Variants in ELMO1 observed in about 807,000 individuals in gnomAD.
The protein encoded by ELMO1 is engulfment and cell motility protein 1.
A neutral mutation model predicts 98.9 loss-of-function variants in ELMO1; 26 were observed. The observed-to-expected ratio is 0.26, with a 90% CI of 0.19 to 0.36. The LOEUF (loss-of-function observed/expected upper bound fraction) is 0.36. Among genes scored for constraint, ELMO1 ranks in the 10% least tolerant of loss-of-function variants. ELMO1 has a pLI of 1.00. For missense variants in ELMO1, 627 were observed against 935.2 expected (o/e 0.67, Z 4.30); for synonymous variants, 346 against 346.0 (o/e 1.00, Z 0.00).
chr7:36,922,214 AT>A (rs1317766152), intron 16 of ELMO1, among the ~76,000 whole-genome samples: 1 of 152,164 alleles, frequency 6.6e-6, no homozygotes, highest in Non-Finnish European at 1.5e-5. Context: ...CCACAGATTC[AT>A]TAGCTCTTTT....
intron 16 of ELMO1, among the ~76,000 whole-genome samples, chr7:36,969,421 G>A (rs1789724358): frequency 6.6e-6 from 1 of 152,100 alleles, no homozygotes; most frequent in South Asian, 2.1e-4. Context: ...ATGATATGTG[G>A]TGAATTCAAT....
intron 16 of ELMO1, among the ~76,000 whole-genome samples, chr7:36,956,668 G>C (rs1330031990): frequency 6.6e-6 from 1 of 152,180 alleles, no homozygotes; most frequent in East Asian, 1.9e-4. Flanking sequence ...AGCTTATAGT[G>C]ACAAAGCTTC....
chr7:37,244,263 C>A, intron 7 of ELMO1, 93 bp downstream of exon 7: 1 of 1,239,778 alleles, frequency 8.1e-7, no homozygotes, highest in Non-Finnish European at 1.1e-6. Flanking sequence ...ATACTAGATG[C>A]ATAGTTATAC....
intron 1 of ELMO1, among the ~76,000 whole-genome samples, chr7:37,422,905 G>A (rs76085041): frequency 0.087 from 13,310 of 152,236 alleles, 666 homozygotes; most frequent in Admixed American, 0.098. Flanking sequence ...TTTATTGGCC[G>A]CAGCCCATGA....
At chr7:37,291,705 A>C in intron 4 of ELMO1, among the ~76,000 whole-genome samples, 1 of 152,186 alleles carries the variant, frequency 6.6e-6, no homozygotes, top group East Asian at 1.9e-4. Context: ...ACCTGAGGTC[A>C]GGAGTTTGAG....
chr7:37,094,941 T>C (rs1189376382), intron 15 of ELMO1, among the ~76,000 whole-genome samples: 6 of 152,308 alleles, frequency 3.9e-5, no homozygotes, highest in South Asian at 2.1e-4. Flanking sequence ...ATCACTCTTA[T>C]GTGTTTACTT....
rs190626347 is a variant in ELMO1, at chr7:37,018,205, C to A, written c.1301-4770G>T. On this transcript the variant is annotated intron_variant, in intron 15 of 21. Coordinates refer to ENST00000310758, the MANE Select transcript of ELMO1 (RefSeq NM_014800.11). ...GCAATGGCGTGATCTCAGCTCACCA[C>A]AACCTCCGCCTCCTGGGTTCAAGAG... is the stretch of plus-strand genomic sequence containing the variant. Among the ~76,000 whole-genome samples, 8 of 151,916 alleles carry A rather than the reference C, an allele frequency of 5.3e-5. No homozygotes were observed. The East Asian group carries it at 1.6e-3, about 29-fold the overall frequency.
intron 13 of ELMO1, among the ~76,000 whole-genome samples, chr7:37,146,244 C>T (rs945585117): frequency 6.6e-6 from 1 of 152,206 alleles, no homozygotes; most frequent in African/African-American, 2.4e-5. Flanking sequence ...CCCCAGGTTG[C>T]TGGGCCCCAC....
intron 19 of ELMO1, among the ~76,000 whole-genome samples, chr7:36,875,101 G>A (rs1418831246): frequency 1.3e-5 from 2 of 152,198 alleles, no homozygotes; most frequent in East Asian, 3.9e-4. Context: ...CAATGACACT[G>A]AACATTAATT....
At chr7:37,392,532 C>T (rs936593187) in intron 1 of ELMO1, among the ~76,000 whole-genome samples, 11 of 152,176 alleles carry the variant, frequency 7.2e-5, no homozygotes, top group Non-Finnish European at 1.3e-4. Flanking sequence ...AGCAAATTGG[C>T]GCTGCTAGGC....
At chr7:37,167,724 G>A (rs1220145446) in intron 13 of ELMO1, among the ~76,000 whole-genome samples, 1 of 152,112 alleles carries the variant, frequency 6.6e-6, no homozygotes, top group East Asian at 1.9e-4. Flanking sequence ...AGTCTGATGG[G>A]CTTCCCTTTG....
chr7:36,994,292 C>T (rs1463013845), intron 16 of ELMO1, among the ~76,000 whole-genome samples: 2 of 152,174 alleles, frequency 1.3e-5, no homozygotes, highest in East Asian at 1.9e-4. Context: ...TAAAGTTCTT[C>T]CTCTATGTAA....
chr7:37,036,548 ATT>A (rs1189206904), intron 15 of ELMO1, among the ~76,000 whole-genome samples: 1 of 151,972 alleles, frequency 6.6e-6, no homozygotes, highest in Non-Finnish European at 1.5e-5. Flanking sequence ...AATTTTTAAA[ATT>A]TTTTATTTTG....
chr7:37,423,105 T>C, intron 1 of ELMO1, among the ~76,000 whole-genome samples: 1 of 152,248 alleles, frequency 6.6e-6, no homozygotes, highest in East Asian at 1.9e-4. Context: ...GAGGCACCAG[T>C]GTCTTCTGTG....
chr7:36,969,270 T>C (rs987892372), intron 16 of ELMO1, among the ~76,000 whole-genome samples: 2 of 152,114 alleles, frequency 1.3e-5, no homozygotes, highest in African/African-American at 4.8e-5. Context: ...TACCTATTAG[T>C]TGACACATTA....
chr7:37,141,431 G>A (rs958987400), intron 13 of ELMO1, among the ~76,000 whole-genome samples: 5 of 152,242 alleles, frequency 3.3e-5, no homozygotes, highest in African/African-American at 1.2e-4. Flanking sequence ...CTGCTCGGGT[G>A]ACAGGTGCAC....
At chr7:37,269,919 C>T (rs572645282) in intron 5 of ELMO1, 6 of 152,162 alleles carry the variant, frequency 3.9e-5, no homozygotes, top group South Asian at 2.1e-4. Context: ...TCTAAGCCTT[C>T]TCTCAAGGAG....
intron 16 of ELMO1, among the ~76,000 whole-genome samples, chr7:36,972,769 A>T (rs1790084459): frequency 6.6e-6 from 1 of 152,162 alleles, no homozygotes; most frequent in Non-Finnish European, 1.5e-5. Flanking sequence ...TATCTATATA[A>T]CTATATCTAT....
At position 37,271,996 on chromosome 7, in the gene ELMO1, A is replaced by G. The variant is rs572844031; in HGVS notation, c.193-114T>C. Reference sequence around the variant, plus strand: ...CAGGCATTCAGTTTATTCTCACTTGAATAATTTTTAATTATTTCTATAAAG... The same window carrying G: ...CAGGCATTCAGTTTATTCTCACTTGGATAATTTTTAATTATTTCTATAAAG... On this transcript the variant is annotated intron_variant, in intron 4 of 21. Transcript: ENST00000310758. The G allele has an allele frequency of 6.1e-6, 5 of 819,910 alleles. No individual in the cohort carries two copies. The East Asian group carries it at 1.3e-4, about 22-fold the overall frequency. 50.8% of individuals were successfully genotyped at this position (819,910 alleles called of 1,614,324 possible).
Sources: gnomAD v4.1 joint callset for allele counts (sites outside exome capture counted in the v4.1 genomes callset) on GRCh38, gnomAD v4.1.1 for gene constraint, MANE v1.5 for transcripts, NCBI Gene and HGNC (gene_info 2026-07-23, HGNC 2026-07-21) for gene names.